Variants in RBFOX1 observed in about 807,000 individuals in gnomAD.
RBFOX1 encodes RNA binding protein fox-1 homolog 1.
Under a neutral mutation model 57.7 loss-of-function variants are expected in RBFOX1, and 8 were observed. The ratio of observed to expected loss-of-function variants is 0.14; its 90% CI spans 0.08 to 0.25. The LOEUF is 0.25. Ranked by LOEUF, RBFOX1 falls within the 10% of genes least tolerant of loss-of-function variation. The probability of loss-of-function intolerance (pLI) is 1.00; values close to 1 mark genes in which losing one functional copy is unlikely to be tolerated. For missense variants in RBFOX1, 611 were observed against 548.5 expected (o/e 1.11, Z -1.14); for synonymous variants, 326 against 222.4 (o/e 1.47, Z -4.15).
At chr16:7,185,949 C>G (rs954319172) in intron 4 of RBFOX1, among the ~76,000 whole-genome samples, 5 of 152,152 alleles carry the variant, frequency 3.3e-5, no homozygotes, top group East Asian at 1.9e-4. Flanking sequence ...TCTCCCCGTC[C>G]TCTGAAGTAT....
chr16:7,160,697 T>TC (rs1407139158), intron 4 of RBFOX1, among the ~76,000 whole-genome samples: 1 of 152,102 alleles, frequency 6.6e-6, no homozygotes, highest in Non-Finnish European at 1.5e-5. Context: ...GGGGGGTTTT[T>TC]CTGTAACTCC....
intron 12 of RBFOX1, among the ~76,000 whole-genome samples, chr16:7,660,908 C>A (rs556089537): frequency 3.3e-5 from 5 of 152,130 alleles, no homozygotes; most frequent in African/African-American, 1.2e-4. Flanking sequence ...GGCTCAAATC[C>A]CAGTTCAGAC....
intron 2 of RBFOX1, among the ~76,000 whole-genome samples, chr16:6,653,416 G>A (rs555542167): frequency 6.6e-6 from 1 of 152,262 alleles, no homozygotes; most frequent in East Asian, 1.9e-4. Flanking sequence ...GCAGCCAAGA[G>A]TTGCTAAAGA....
At chr16:6,400,463 G>C (rs929499716) in intron 2 of RBFOX1, among the ~76,000 whole-genome samples, 1 of 152,164 alleles carries the variant, frequency 6.6e-6, no homozygotes, top group African/African-American at 2.4e-5. Flanking sequence ...TATAGCTATA[G>C]ATGCTGTAAA....
intron 3 of RBFOX1, among the ~76,000 whole-genome samples, chr16:7,018,797 A>AAG (rs2094049450): frequency 2.6e-5 from 4 of 151,204 alleles, no homozygotes; most frequent in East Asian, 3.9e-4. Flanking sequence ...TAAAAAAAAA[A>AAG]AAGAAGAAAT....
chr16:7,398,571 C>A (rs1422936948), intron 4 of RBFOX1, among the ~76,000 whole-genome samples: 1 of 152,150 alleles, frequency 6.6e-6, no homozygotes, highest in East Asian at 1.9e-4. Context: ...TTGTTTGATC[C>A]CCAGTGTGAC....
intron 3 of RBFOX1, chr16:6,775,988 C>G (rs957420394): frequency 6.6e-6 from 1 of 152,190 alleles, no homozygotes; most frequent in African/African-American, 2.4e-5. Flanking sequence ...CAAGTCTGAT[C>G]ACAGCCACAA....
chr16:5,743,771 G>C (rs1394397641), intron 3 of RBFOX1, among the ~76,000 whole-genome samples: 1 of 152,036 alleles, frequency 6.6e-6, no homozygotes. Flanking sequence ...TGAAACTCCT[G>C]GCCCTAAGTA....
intron 2 of RBFOX1, among the ~76,000 whole-genome samples, chr16:6,587,438 T>G (rs1197917556): frequency 6.6e-6 from 1 of 152,096 alleles, no homozygotes; most frequent in African/African-American, 2.4e-5. Context: ...CACACCACCA[T>G]GCCTGGCTAA....
At chr16:5,331,877 G>C (rs1190870887) in intron 1 of RBFOX1, among the ~76,000 whole-genome samples, 1 of 152,180 alleles carries the variant, frequency 6.6e-6, no homozygotes, top group Non-Finnish European at 1.5e-5. Context: ...GTTCCAGTGG[G>C]GTCTGCATGT....
intron 3 of RBFOX1, among the ~76,000 whole-genome samples, chr16:6,655,886 A>T (rs191697064): frequency 7.2e-5 from 11 of 152,294 alleles, no homozygotes; most frequent in Admixed American, 7.2e-4. Context: ...GTGGTGGAGG[A>T]CTTCTCAAAA....
intron 5 of RBFOX1, among the ~76,000 whole-genome samples, chr16:7,530,561 G>A (rs1021064895): frequency 6.6e-6 from 1 of 151,664 alleles, no homozygotes; most frequent in Non-Finnish European, 1.5e-5. Flanking sequence ...CCTGGTGGTT[G>A]TATCAATGGG....
chr16:7,475,186 C>T (rs1285788959), intron 4 of RBFOX1, among the ~76,000 whole-genome samples: 3 of 151,942 alleles, frequency 2.0e-5, no homozygotes, highest in Non-Finnish European at 4.4e-5. Flanking sequence ...TCTGTTGACT[C>T]ATAGCAACTC....
intron 3 of RBFOX1, among the ~76,000 whole-genome samples, chr16:5,684,642 C>A (rs1023766298): frequency 6.6e-6 from 1 of 152,094 alleles, no homozygotes; most frequent in Non-Finnish European, 1.5e-5. Flanking sequence ...TAAATGGGAC[C>A]CAAAGTTTGG....
At chr16:7,556,661 T>A (rs2088595807) in intron 5 of RBFOX1, among the ~76,000 whole-genome samples, 1 of 152,134 alleles carries the variant, frequency 6.6e-6, no homozygotes, top group African/African-American at 2.4e-5. Flanking sequence ...AAGACCTTAG[T>A]TCTAGGACCC....
intron 1 of RBFOX1, among the ~76,000 whole-genome samples, chr16:6,136,000 G>T (rs1470608774): frequency 6.6e-6 from 1 of 151,730 alleles, no homozygotes; most frequent in Non-Finnish European, 1.5e-5. Flanking sequence ...TCACCATGTC[G>T]GCCAGGCTGG....
At chr16:6,542,864 C>G (rs1199344986) in intron 2 of RBFOX1, among the ~76,000 whole-genome samples, 2 of 152,026 alleles carry the variant, frequency 1.3e-5, no homozygotes, top group African/African-American at 2.4e-5. Flanking sequence ...AGTCTGTAAA[C>G]TTCATTGGCC....
At chr16:6,714,825 C>G (rs1056427423) in intron 3 of RBFOX1, among the ~76,000 whole-genome samples, 9 of 152,108 alleles carry the variant, frequency 5.9e-5, no homozygotes, top group African/African-American at 1.9e-4. Flanking sequence ...ACCACCTGTG[C>G]TACATCCATA....
intron 3 of RBFOX1, among the ~76,000 whole-genome samples, chr16:6,668,284 G>C (rs930295919): frequency 1.3e-5 from 2 of 152,194 alleles, no homozygotes; most frequent in African/African-American, 2.4e-5. Context: ...CTCCCAGAAA[G>C]AGTGCATGAT....
Sources: gnomAD v4.1 joint callset for allele counts (sites outside exome capture counted in the v4.1 genomes callset) on GRCh38, gnomAD v4.1.1 for gene constraint, MANE v1.5 for transcripts, NCBI Gene and HGNC (gene_info 2026-07-23, HGNC 2026-07-21) for gene names.